Variants in MAPKAP1 observed in about 807,000 individuals in gnomAD.
MAPKAP1 encodes target of rapamycin complex 2 subunit MAPKAP1.
MAPKAP1 carries 20 observed loss-of-function variants against 65.7 expected under a neutral mutation model. That is an observed-to-expected ratio of 0.30 (90% CI 0.21 to 0.44). The LOEUF is 0.44. MAPKAP1 is among the 20% of genes least tolerant of loss of function. MAPKAP1 has a pLI of 1.00. For synonymous variants in MAPKAP1, 222 were observed against 244.3 expected, an observed-to-expected ratio of 0.91 and a Z score of 0.85; for missense variants, 423 against 648.0, an observed-to-expected ratio of 0.65 and a Z score of 3.77.
At chr9:125,478,118 TG>T (rs1287130218) in intron 9 of MAPKAP1, 1 of 152,212 alleles carries the variant, frequency 6.6e-6, no homozygotes, top group Admixed American at 6.5e-5. Context: ...AGGACTGTGT[TG>T]GAACAAATTC....
chr9:125,508,844 A>T (rs10119855), intron 7 of MAPKAP1, among the ~76,000 whole-genome samples: 45,702 of 152,060 alleles, frequency 0.3, 7,955 homozygotes, highest in Middle Eastern at 0.4. Context: ...AAAAATTTTT[A>T]AAAATAATAG....
chr9:125,700,086 C>T lies in MAPKAP1; in HGVS notation c.-70+6885G>A, dbSNP rs117426838. ...GCAGACTGTCCAGCTTACAGACTGACAAAGCCAATAATCAAATCCAAGCGG... is the reference window on the plus strand; with the variant it reads ...GCAGACTGTCCAGCTTACAGACTGATAAAGCCAATAATCAAATCCAAGCGG... On this transcript the variant is annotated intron_variant, in intron 1 of 11. Coordinates refer to ENST00000265960, the MANE Select transcript of MAPKAP1 (RefSeq NM_001006617.3). Among the ~76,000 whole-genome samples, 5 of 152,346 alleles carry T rather than the reference C, an allele frequency of 3.3e-5. No individual in the cohort carries two copies. The East Asian group carries it at 9.6e-4, about 29-fold the overall frequency.
At chr9:125,657,590 C>A in intron 4 of MAPKAP1, 61 bp downstream of exon 4, 4 of 1,409,746 alleles carry the variant, frequency 2.8e-6, no homozygotes, top group South Asian at 2.7e-5. Flanking sequence ...ATAATAATAC[C>A]AACAACAACT....
intron 7 of MAPKAP1, among the ~76,000 whole-genome samples, chr9:125,520,631 T>C (rs1299245752): frequency 6.6e-6 from 1 of 152,208 alleles, no homozygotes; most frequent in African/African-American, 2.4e-5. Context: ...TATATGCAAG[T>C]TGAGAATGGA....
chr9:125,444,585 A>G lies in MAPKAP1; in HGVS notation c.1359T>C (p.Phe453=), dbSNP rs978388440. The G allele has an allele frequency of 2.5e-6, 4 of 1,612,952 alleles. No homozygotes were observed. The African/African-American group carries it at 5.3e-5, about 22-fold the overall frequency. ...CGTGATTGCTTAGATACGTGAGTTT[A>G]AATATTGCGTGACCTGCAGAGACAG... ...AEEKSPSHAI[F]KLTYLSNHDY... is the part of the protein sequence containing the mutation. Residue 453 remains phenylalanine, a synonymous_variant, in exon 11 of 12, where the codon TTT becomes TTC. Coordinates refer to ENST00000265960, the MANE Select transcript of MAPKAP1 (RefSeq NM_001006617.3).
chr9:125,492,923 G>A (rs1040347674), intron 8 of MAPKAP1, among the ~76,000 whole-genome samples: 5 of 152,174 alleles, frequency 3.3e-5, no homozygotes, highest in Admixed American at 1.3e-4. Flanking sequence ...TAGTGCTTCC[G>A]GAATTTAGGG....
chr9:125,665,032 T>G (rs368561392), intron 3 of MAPKAP1, among the ~76,000 whole-genome samples: 1 of 152,114 alleles, frequency 6.6e-6, no homozygotes, highest in Non-Finnish European at 1.5e-5. Context: ...CCAGGCACAG[T>G]GGCTCACACC....
intron 4 of MAPKAP1, among the ~76,000 whole-genome samples, chr9:125,609,819 G>C (rs539861575): frequency 6.6e-6 from 1 of 152,120 alleles, no homozygotes; most frequent in East Asian, 1.9e-4. Flanking sequence ...AACATTTCTG[G>C]AAAGAGAATA....
chr9:125,511,164 C>CCATCATCATCAT (rs3051230), intron 7 of MAPKAP1, among the ~76,000 whole-genome samples: 15 of 146,968 alleles, frequency 1.0e-4, no homozygotes, highest in African/African-American at 7.6e-5. Context: ...ATCATCATCA[C>CCATCATCATCAT]CATCATCATC....
chr9:125,531,217 G>C (rs977996782), intron 7 of MAPKAP1, among the ~76,000 whole-genome samples: 1 of 152,222 alleles, frequency 6.6e-6, no homozygotes, highest in Non-Finnish European at 1.5e-5. Context: ...ACCTTATCCA[G>C]TAGAAGGAAG....
intron 8 of MAPKAP1, among the ~76,000 whole-genome samples, chr9:125,486,186 A>C (rs1447980786): frequency 6.6e-6 from 1 of 152,228 alleles, no homozygotes; most frequent in Non-Finnish European, 1.5e-5. Flanking sequence ...AAGGTCTTAT[A>C]ATTTTCCATA....
intron 10 of MAPKAP1, among the ~76,000 whole-genome samples, chr9:125,460,785 G>A (rs867206114): frequency 2.6e-5 from 4 of 152,324 alleles, no homozygotes; most frequent in South Asian, 4.1e-4. Context: ...GTTCTCCACT[G>A]TGCTCCCATA....
chr9:125,458,181 T>TA (rs1853266592), intron 10 of MAPKAP1, among the ~76,000 whole-genome samples: 1 of 151,990 alleles, frequency 6.6e-6, no homozygotes, highest in African/African-American at 2.4e-5. Context: ...GCTAATCTGG[T>TA]CGAAGTTACC....
chr9:125,548,177 T>C (rs1355550638), intron 6 of MAPKAP1, among the ~76,000 whole-genome samples: 1 of 152,262 alleles, frequency 6.6e-6, no homozygotes, highest in Non-Finnish European at 1.5e-5. Context: ...ATCACTCATC[T>C]ATTAAAAATC....
intron 8 of MAPKAP1, among the ~76,000 whole-genome samples, chr9:125,505,745 ACAGTCTG>A (rs1451271315): frequency 7.9e-5 from 12 of 152,226 alleles, no homozygotes; most frequent in African/African-American, 2.9e-4. Flanking sequence ...ATGACTACAG[ACAGTCTG>A]CTGCCGCAAG....
chr9:125,702,272 C>G (rs1243019390), intron 1 of MAPKAP1, among the ~76,000 whole-genome samples: 2 of 152,094 alleles, frequency 1.3e-5, no homozygotes, highest in Non-Finnish European at 2.9e-5. Context: ...CAGTGGCTCA[C>G]GCCTGTAGTC....
chr9:125,599,224 T>C (rs1191159308), intron 4 of MAPKAP1, among the ~76,000 whole-genome samples: 2 of 152,170 alleles, frequency 1.3e-5, no homozygotes, highest in Non-Finnish European at 2.9e-5. Context: ...GTCATCCCCT[T>C]TGAAATATCA....
At chr9:125,453,568 G>A (rs1853045385) in intron 10 of MAPKAP1, among the ~76,000 whole-genome samples, 1 of 152,356 alleles carries the variant, frequency 6.6e-6, no homozygotes, top group Admixed American at 6.5e-5. Context: ...ATACTACACT[G>A]AACTTGATAA....
chr9:125,574,533 A>T (rs1221438408), intron 5 of MAPKAP1, among the ~76,000 whole-genome samples: 2 of 152,240 alleles, frequency 1.3e-5, no homozygotes, highest in Non-Finnish European at 1.5e-5. Flanking sequence ...GGGCATGCAG[A>T]TGGTAAAAAA....
Sources: gnomAD v4.1 joint callset for allele counts (sites outside exome capture counted in the v4.1 genomes callset) on GRCh38, gnomAD v4.1.1 for gene constraint, MANE v1.5 for transcripts, NCBI Gene and HGNC (gene_info 2026-07-23, HGNC 2026-07-21) for gene names.